The following OGFR variants were observed in gnomAD, a reference collection of about 807,000 sequenced individuals.
OGFR encodes opioid growth factor receptor.
Under a neutral mutation model 33.6 loss-of-function variants are expected in OGFR, and 18 were observed. The ratio of observed to expected loss-of-function variants is 0.54; its 90% CI spans 0.37 to 0.80. The LOEUF (loss-of-function observed/expected upper bound fraction) is 0.80, where lower values mean the gene tolerates loss of function less well. Ranked by LOEUF, OGFR falls within the 30% of genes least tolerant of loss-of-function variation. The probability of loss-of-function intolerance (pLI) is 0.00; values close to 1 mark genes in which losing one functional copy is unlikely to be tolerated. For missense variants in OGFR, 877 were observed against 955.8 expected (o/e 0.92, Z 1.09); for synonymous variants, 370 against 400.7 (o/e 0.92, Z 0.91).
chr20:62,808,453 C>T (rs1990647029), intron 3 of OGFR, 128 bp downstream of exon 3: 3 of 701,082 alleles, frequency 4.3e-6, no homozygotes, highest in African/African-American at 3.5e-5. Flanking sequence ...CCCCACAGTG[C>T]CCCCTGGAGG....
intron 4 of OGFR, 55 bp downstream of exon 4, chr20:62,809,718 C>T: frequency 7.4e-7 from 1 of 1,359,894 alleles, no homozygotes; most frequent in Non-Finnish European, 1.1e-6. Flanking sequence ...GGGGGAGGGC[C>T]CTCCCAGGCA....
Position 62,810,519 on chromosome 20 carries a change from C to G in OGFR, c.419C>G (p.Pro140Arg). Reference protein sequence around the residue: ...YIQWLFPLREPGVNWHAKPLT... With the variant: ...YIQWLFPLRERGVNWHAKPLT... ...TGCAGGCTGTTTCCTCTGCGAGAAC[C>G]AGGAGTGAACTGGCATGCCAAGCCC... is the stretch of plus-strand genomic sequence containing the variant. Residue 140 changes from proline (P) to arginine (R), a missense_variant, in exon 5 of 7, where the codon CCA becomes CGA. Around this residue, in one of 3 missense-constraint regions of OGFR, gnomAD observed 760 missense variants for 736.0 expected, o/e 1.03. Transcript: ENST00000290291. 6.2e-7 allele frequency: 1 copy of G among 1,613,280 alleles called. No individual in the cohort carries two copies. Among genetic ancestry groups the G allele is most frequent in the Non-Finnish European group, 8.5e-7 (1 of 1,179,898 alleles).
At position 62,811,570 on chromosome 20, in the gene OGFR, C is replaced by G. The variant is rs899163990; in HGVS notation, c.574C>G (p.Arg192Gly). 1.9e-6 allele frequency: 3 copies of G among 1,602,612 alleles called. No homozygotes were observed. The highest frequency in any genetic ancestry group is 2.6e-6 in the Non-Finnish European group (3 of 1,175,444). The change falls in exon 6 of 7, where the codon CGA becomes GGA. Residue 192 changes from arginine (R) to glycine (G), a missense_variant. By Grantham distance (125) the Arg-to-Gly change is moderately radical. This residue lies in a region of OGFR where 760 missense variants were observed against 736.0 expected (regional missense o/e 1.03). Transcript: ENST00000290291. ...GGACCGAGGCACGGGCACGGTGGGC[C>G]GAGCACAGAACTACCAGAAGCGCTT... ...LEDRGTGTVG[R>G]AQNYQKRFQN...
In OGFR at chr20:62,805,042, C is replaced by T. The variant is rs761785682; in HGVS notation, c.171+12C>T. ...CCAGCTCGTTCCAGGTGCGGCCCCG[C>T]GGCGCGGAAGAGGCCTGGGGTCCCC... On this transcript the variant is annotated intron_variant, in intron 1 of 6. Coordinates refer to ENST00000290291, the MANE Select transcript of OGFR (RefSeq NM_007346.4). The T allele has an allele frequency of 1.8e-5, 24 of 1,354,466 alleles. No homozygotes were observed. Among genetic ancestry groups the T allele is most frequent in the Non-Finnish European group, 2.1e-5 (22 of 1,058,966 alleles). The allele number at this position is 1,354,466 out of a possible 1,614,324, so 83.9% of individuals were successfully genotyped here.
chr20:62,808,374 C>G (rs1313682788), intron 3 of OGFR, 49 bp downstream of exon 3: 1 of 1,412,450 alleles, frequency 7.1e-7, no homozygotes. Flanking sequence ...CCTTGCCTGG[C>G]AGGGGTGGTC....
chr20:62,813,016 C>T lies in OGFR; in HGVS notation c.1401C>T (p.Asp467=), dbSNP rs1011899910. The change falls in exon 7 of 7, where the codon GAC becomes GAT. Residue 467 remains aspartate, a synonymous_variant. Coordinates refer to ENST00000290291, the MANE Select transcript of OGFR (RefSeq NM_007346.4). ...KRRKVDEGAG[D]SAAVASGGAQ... ...GGAAGGTGGATGAGGGTGCTGGGGA[C>T]AGTGCTGCGGTGGCCAGTGGTGGTG... 9 of 1,607,190 alleles carry T rather than the reference C, an allele frequency of 5.6e-6. No homozygotes were observed. The highest frequency in any genetic ancestry group is 6.8e-6 in the Non-Finnish European group (8 of 1,177,258).
At chr20:62,807,769 C>T (rs541220277) in intron 2 of OGFR, 164 bp downstream of exon 2, 24 of 671,260 alleles carry the variant, frequency 3.6e-5, no homozygotes, top group Non-Finnish European at 6.2e-5. Context: ...GATTCAGAGC[C>T]CTGCCCTTCC....
intron 1 of OGFR, 76 bp downstream of exon 1, chr20:62,805,106 C>G: frequency 1.7e-6 from 2 of 1,187,534 alleles, no homozygotes; most frequent in Non-Finnish European, 1.1e-6. Flanking sequence ...GAGACCCCCC[C>G]ATCCCGGGCG....
intron 2 of OGFR, chr20:62,807,922 C>A: frequency 1.7e-6 from 1 of 599,222 alleles, no homozygotes; most frequent in Non-Finnish European, 3.0e-6. Flanking sequence ...CACCCCCATG[C>A]CAGCCCTGTC....
In OGFR at chr20:62,807,540, A is replaced by G. The variant is rs768574386; in HGVS notation, c.175A>G (p.Arg59Gly). ...RAARPSSFQS[R>G]MTGSRNWRAT... is the part of the protein sequence containing the mutation. ...ATCCCATCTCTTTTCTTCCCAGTCC[A>G]GAATGACAGGGTCCAGAAACTGGCG... Residue 59 changes from arginine to glycine, a missense_variant, in exon 2 of 7, where the codon AGA becomes GGA. Arg to Gly is a moderately radical substitution (Grantham distance 125, BLOSUM62 -2). Transcript: ENST00000290291. 1 of 1,612,792 alleles carries G rather than the reference A, an allele frequency of 6.2e-7. No individual in the cohort carries two copies. Among genetic ancestry groups the G allele is most frequent in the Non-Finnish European group, 8.5e-7 (1 of 1,179,742 alleles).
intron 4 of OGFR, 119 bp from the exon 5 acceptor site, chr20:62,810,380 A>G: frequency 2.2e-6 from 2 of 921,074 alleles, no homozygotes; most frequent in Non-Finnish European, 3.5e-6. Context: ...ACTCCCTCCT[A>G]GAGTTGAGCC....
chr20:62,807,219 A>C (rs530369219), intron 1 of OGFR: 2 of 427,100 alleles, frequency 4.7e-6, no homozygotes, highest in South Asian at 2.5e-5. Flanking sequence ...GGGGAGGTGC[A>C]TGTCAGCCAG....
rs150868425 is a variant in OGFR at position 62,805,099 on chromosome 20, A to AC, written c.171+76dup. 11,589 of 1,186,144 alleles carry AC rather than the reference A, an allele frequency of 9.8e-3. 818 individuals are homozygous for AC. The African/African-American group carries it at 0.16, about 17-fold the overall frequency. 73.5% of individuals were successfully genotyped at this position (1,186,144 alleles called of 1,614,324 possible). A position where few individuals can be genotyped will look rare whatever the true frequency, so the allele number is the denominator to read the frequency against. On this transcript the variant is annotated intron_variant, in intron 1 of 6. Transcript: ENST00000290291. ...CCCCGCCCGGCTGCGTGGACGGGAG[A>AC]CCCCCCCATCCCGGGCGGAGACACC... is the stretch of plus-strand genomic sequence containing the variant.
At chr20:62,807,856 G>C in intron 2 of OGFR, 1 of 601,464 alleles carries the variant, frequency 1.7e-6, no homozygotes, top group Non-Finnish European at 3.0e-6. Flanking sequence ...CATGGCCATA[G>C]TGCCAGCCTC....
Position 62,813,679 on chromosome 20 carries a change from C to G in OGFR, c.*30C>G. The stretch of plus-strand genomic sequence containing the variant: ...AGGAGTGCCCGTCGGCGTCTTGGTC[C>G]TCCTGTCCCTGCTGCAGGGGCTGGG... On this transcript the variant is annotated 3_prime_UTR_variant, in exon 7 of 7. Transcript: ENST00000290291. The G allele has an allele frequency of 6.2e-7, 1 of 1,608,216 alleles. No homozygotes were observed. Among genetic ancestry groups the G allele is most frequent in the Non-Finnish European group, 8.5e-7 (1 of 1,176,658 alleles).
At position 62,804,942 on chromosome 20, in the gene OGFR, G is replaced by A. The variant is rs985455069; in HGVS notation, c.83G>A (p.Gly28Asp). The change falls in exon 1 of 7, where the codon GGC becomes GAC. Residue 28 changes from glycine to aspartate, a missense_variant. Gly to Asp is a moderately conservative substitution (Grantham distance 94). This residue lies in a region of OGFR where 760 missense variants were observed against 736.0 expected (regional missense o/e 1.03). Transcript: ENST00000290291. ...GCGGAGGACGAGGACTGCGAGGACGGCGAGGCCGCCGGCGCGAGGGACGCG... is the reference window on the plus strand; with the variant it reads ...GCGGAGGACGAGGACTGCGAGGACGACGAGGCCGCCGGCGCGAGGGACGCG... ...EDAEDEDCED[G>D]EAAGARDADA... 8.0e-6 allele frequency: 12 copies of A among 1,493,474 alleles called. No individual in the cohort carries two copies. The African/African-American group carries it at 1.2e-4, about 15-fold the overall frequency. The allele number at this position is 1,493,474 out of a possible 1,614,324, so 92.5% of individuals were successfully genotyped here. A position where few individuals can be genotyped will look rare whatever the true frequency, so the allele number is the denominator to read the frequency against.
chr20:62,811,320 A>T, intron 5 of OGFR, 142 bp from the exon 6 acceptor site: 1 of 942,520 alleles, frequency 1.1e-6, no homozygotes, highest in South Asian at 1.6e-5. Context: ...CAACAGAGCA[A>T]GACTCTGTCT....
At chr20:62,806,347 A>C (rs1990592202) in intron 1 of OGFR, 1 of 152,230 alleles carries the variant, frequency 6.6e-6, no homozygotes, top group African/African-American at 2.4e-5. Context: ...GTCCAAGATT[A>C]GCCTGGCCAA....
At position 62,812,974 on chromosome 20, in the gene OGFR, C is replaced by G; in HGVS notation, c.1359C>G (p.Asp453Glu). The change falls in exon 7 of 7, where the codon GAC (aspartate) becomes GAG (glutamate). Residue 453 changes from aspartate to glutamate, a missense_variant. Physicochemically the swap from Asp to Glu is conservative, Grantham distance 45 (BLOSUM62 2). Transcript: ENST00000290291. Reference protein sequence around the residue: ...CRQPLGARVADKVRKRRKVDE... With the variant: ...CRQPLGARVAEKVRKRRKVDE... Reference sequence around the variant, plus strand: ...AACCCCTGGGAGCCAGGGTGGCCGACAAGGTGAGGAAGCGGAGGAAGGTGG... The same window carrying G: ...AACCCCTGGGAGCCAGGGTGGCCGAGAAGGTGAGGAAGCGGAGGAAGGTGG... 1.9e-6 allele frequency: 3 copies of G among 1,612,284 alleles called. No individual in the cohort carries two copies.
Sources: allele counts gnomAD v4.1 joint callset, GRCh38; gene constraint gnomAD v4.1.1; regional missense constraint gnomAD v4.1.1; transcripts MANE v1.5; gene names NCBI Gene and HGNC (gene_info 2026-07-23, HGNC 2026-07-21).